The following ARFGEF3 variants were observed in gnomAD, a reference collection of about 807,000 sequenced individuals.
ARFGEF3 encodes ARFGEF family member 3, also known as brefeldin A-inhibited guanine nucleotide-exchange protein 3.
A neutral mutation model predicts 221.7 loss-of-function variants in ARFGEF3; 96 were observed. That is an observed-to-expected ratio of 0.43 (90% CI 0.37 to 0.51). The LOEUF (loss-of-function observed/expected upper bound fraction) is 0.51, where lower values mean the gene tolerates loss of function less well. ARFGEF3 is among the 20% of genes least tolerant of loss of function. The pLI is 0.00. For missense variants in ARFGEF3, 2,410 were observed against 2,789.9 expected (o/e 0.86, Z 3.07); for synonymous variants, 1,145 against 1,126.8 (o/e 1.02, Z -0.32).
At chr6:138,260,842 A>G (rs1778778701) in intron 10 of ARFGEF3, among the ~76,000 whole-genome samples, 1 of 152,168 alleles carries the variant, frequency 6.6e-6, no homozygotes, top group Admixed American at 6.5e-5. Context: ...TAGATATTAC[A>G]CACATTAAAG....
chr6:138,250,255 G>T (rs188125544), intron 8 of ARFGEF3, among the ~76,000 whole-genome samples: 1 of 152,164 alleles, frequency 6.6e-6, no homozygotes, highest in African/African-American at 2.4e-5. Context: ...ACACTCCCTC[G>T]CATGCCTTGG....
chr6:138,296,243 G>T (rs1344392712), intron 20 of ARFGEF3, among the ~76,000 whole-genome samples: 1 of 152,184 alleles, frequency 6.6e-6, no homozygotes, highest in Non-Finnish European at 1.5e-5. Flanking sequence ...GGCAAAGGCT[G>T]CAGAGGTTTA....
chr6:138,281,560 A>G (rs1017820000), intron 14 of ARFGEF3, among the ~76,000 whole-genome samples: 2 of 152,200 alleles, frequency 1.3e-5, no homozygotes, highest in African/African-American at 4.8e-5. Flanking sequence ...GTGAGAACAT[A>G]TGGCATTTGG....
rs1348544803 is a variant in ARFGEF3 at position 138,317,599 on chromosome 6, T to TCGTG, written c.4474+221_4474+224dup. 3.3e-5 allele frequency among the ~76,000 whole-genome samples: 5 copies of TCGTG among 152,346 alleles called. No homozygotes were observed. The East Asian group carries it at 9.6e-4, about 29-fold the overall frequency. ...CTTCCTAGAAGTCTGGTTACAAGTA[T>TCGTG]CGTGTGGTGGCCAGTTAGTTGGATG... is the stretch of plus-strand genomic sequence containing the variant. On this transcript the variant is annotated intron_variant, in intron 27 of 33. Coordinates refer to ENST00000251691, the MANE Select transcript of ARFGEF3 (RefSeq NM_020340.5).
At chr6:138,299,624 A>G (rs545771819) in intron 22 of ARFGEF3, among the ~76,000 whole-genome samples, 1 of 152,366 alleles carries the variant, frequency 6.6e-6, no homozygotes, top group African/African-American at 2.4e-5. Context: ...ATGGGAAGCC[A>G]GAGAAGTAAG....
At position 138,324,041 on chromosome 6, in the gene ARFGEF3, C is replaced by T. The variant is rs751885053; in HGVS notation, c.4888C>T (p.His1630Tyr). Residue 1630 changes from histidine to tyrosine, a missense_variant, in exon 31 of 34, where the codon CAC becomes TAC. Transcript: ENST00000251691. Reference sequence around the variant, plus strand: ...TCCCCAGGACCTGCTGGGCTGCTTCCACAGCGGCACGGAGAGCTTCAGCGG... The same window carrying T: ...TCCCCAGGACCTGCTGGGCTGCTTCTACAGCGGCACGGAGAGCTTCAGCGG... ...KPVKDLLGCF[H>Y]SGTESFSGEG... 2 of 1,613,776 alleles carry T rather than the reference C, an allele frequency of 1.2e-6. No homozygotes were observed. The highest frequency in any genetic ancestry group is 1.7e-6 in the Non-Finnish European group (2 of 1,179,842).
intron 29 of ARFGEF3, among the ~76,000 whole-genome samples, chr6:138,323,161 T>C (rs1247135618): frequency 1.3e-5 from 2 of 152,170 alleles, no homozygotes; most frequent in Non-Finnish European, 2.9e-5. Context: ...GTAGAGGGGA[T>C]CCGTTGATAT....
intron 10 of ARFGEF3, among the ~76,000 whole-genome samples, chr6:138,258,428 CA>C (rs1338744678): frequency 1.3e-5 from 2 of 152,290 alleles, no homozygotes; most frequent in East Asian, 3.9e-4. Flanking sequence ...GTGACTTGCC[CA>C]AAGTCCTTCA....
intron 32 of ARFGEF3, among the ~76,000 whole-genome samples, chr6:138,331,723 G>A (rs780533415): frequency 9.2e-5 from 14 of 152,214 alleles, no homozygotes; most frequent in Non-Finnish European, 1.9e-4. Context: ...CTTCTTAAAG[G>A]TGTGCTCAGA....
rs76660706 is a variant in ARFGEF3 at position 138,166,663 on chromosome 6, G to A, written c.86-3999G>A. ...AACTTCAGAAACTGGCAGTCCTGGG[G>A]GCTTGCAAGCTAGGCTGTGGTGGGA... is the stretch of plus-strand genomic sequence containing the variant. On this transcript the variant is annotated intron_variant, in intron 1 of 33. Transcript: ENST00000251691. Among the ~76,000 whole-genome samples the A allele has an allele frequency of 2.9e-3, 437 of 152,284 alleles. 3 individuals carry two copies. The highest frequency in any genetic ancestry group is 0.027 in the Middle Eastern group (8 of 294).
Position 138,343,659 on chromosome 6 carries a change from A to G in ARFGEF3, c.*7173A>G, listed in dbSNP as rs376180197. Reference sequence around the variant, plus strand: ...AATCTTTTGAACCAATGTGTAAAAGATTATGTTTTTTCTTAAAGTTAGGGA... The same window carrying G: ...AATCTTTTGAACCAATGTGTAAAAGGTTATGTTTTTTCTTAAAGTTAGGGA... On this transcript the variant is annotated 3_prime_UTR_variant, in exon 34 of 34. Transcript: ENST00000251691. The G allele has an allele frequency of 1.3e-5, 2 of 152,126 alleles. No homozygotes were observed. Among genetic ancestry groups the G allele is most frequent in the Admixed American group, 6.5e-5 (1 of 15,268 alleles). The allele number at this position is 152,126 out of a possible 1,614,324, so 9.4% of individuals were successfully genotyped here.
chr6:138,241,773 T>A (rs938696753), intron 6 of ARFGEF3, among the ~76,000 whole-genome samples: 1 of 152,252 alleles, frequency 6.6e-6, no homozygotes, highest in Non-Finnish European at 1.5e-5. Flanking sequence ...TTCAACCTAA[T>A]AAATGTTTAT....
chr6:138,319,531 A>G (rs1181908918), intron 27 of ARFGEF3, among the ~76,000 whole-genome samples, 172 bp from the exon 28 acceptor site: 1 of 152,216 alleles, frequency 6.6e-6, no homozygotes, highest in Non-Finnish European at 1.5e-5. Context: ...GCAGAAAAAA[A>G]AAGGAAAAAT....
chr6:138,300,081 A>C (rs568703787), intron 22 of ARFGEF3, among the ~76,000 whole-genome samples: 10 of 152,342 alleles, frequency 6.6e-5, no homozygotes, highest in African/African-American at 2.4e-4. Context: ...ACAAGAAAAC[A>C]AGGCAACGGA....
At chr6:138,294,868 A>G (rs1467691720) in intron 20 of ARFGEF3, among the ~76,000 whole-genome samples, 2 of 152,234 alleles carry the variant, frequency 1.3e-5, no homozygotes, top group African/African-American at 4.8e-5. Context: ...CCTTAGTGAC[A>G]TGTTGGACTG....
intron 2 of ARFGEF3, among the ~76,000 whole-genome samples, chr6:138,179,647 C>G (rs1377836850): frequency 6.6e-6 from 1 of 152,200 alleles, no homozygotes; most frequent in Non-Finnish European, 1.5e-5. Flanking sequence ...TGAGCACATT[C>G]ATCAGTGTTT....
intron 4 of ARFGEF3, among the ~76,000 whole-genome samples, chr6:138,225,282 C>T (rs917978723): frequency 2.6e-5 from 4 of 152,206 alleles, no homozygotes; most frequent in African/African-American, 7.2e-5. Context: ...AAATTGACAT[C>T]CAGTAAAGTT....
At chr6:138,243,811 C>T (rs541072809) in intron 7 of ARFGEF3, among the ~76,000 whole-genome samples, 1 of 152,232 alleles carries the variant, frequency 6.6e-6, no homozygotes, top group African/African-American at 2.4e-5. Flanking sequence ...GGAAGAGACA[C>T]GCCTTAAGTC....
In ARFGEF3 at chr6:138,238,566, C is replaced by A; in HGVS notation, c.478C>A (p.Arg160=). The A allele has an allele frequency of 6.2e-7, 1 of 1,613,708 alleles. No individual in the cohort carries two copies. The highest frequency in any genetic ancestry group is 8.5e-7 in the Non-Finnish European group (1 of 1,179,708). Residue 160 remains arginine (R), a synonymous_variant, in exon 6 of 34, where the codon CGG becomes AGG. Coordinates refer to ENST00000251691, the MANE Select transcript of ARFGEF3 (RefSeq NM_020340.5). The stretch of plus-strand genomic sequence containing the variant: ...CCAGCGTAGCATAAACACTGCTGTG[C>A]GGGCAACTCTCAGTCAAATGCTGAG... ...CHQRSINTAV[R]ATLSQMLSDL...
Sources: allele counts gnomAD v4.1 joint callset (sites outside exome capture counted in the v4.1 genomes callset), GRCh38; gene constraint gnomAD v4.1.1; transcripts MANE v1.5; gene names NCBI Gene and HGNC (gene_info 2026-07-23, HGNC 2026-07-21).